The following ECT2L variants were observed in gnomAD, a reference collection of about 807,000 sequenced individuals.
ECT2L encodes the protein epithelial cell-transforming sequence 2 oncogene-like.
ECT2L carries 126 observed loss-of-function variants against 122.8 expected under a neutral mutation model. The observed-to-expected ratio is 1.03, with a 90% CI of 0.89 to 1.19. The LOEUF (loss-of-function observed/expected upper bound fraction) is 1.19. ECT2L is among the 50% of genes most tolerant of loss of function. The pLI, the probability that ECT2L is intolerant of heterozygous loss-of-function variation, is 0.00. For synonymous variants in ECT2L, 385 were observed against 381.8 expected (o/e 1.01, Z -0.10); for missense variants, 1,012 against 1,064.1 (o/e 0.95, Z 0.68).
Position 138,862,621 on chromosome 6 carries a change from A to G in ECT2L, c.1199-6A>G. The G allele has an allele frequency of 6.2e-7, 1 of 1,613,886 alleles. No homozygotes were observed. The highest frequency in any genetic ancestry group is 2.2e-5 in the East Asian group (1 of 44,880). ...GAAACTAACGAAAGTGTTTTTGACTATGCAGAGGCAGGAATTGAAGTTCTT... is the reference window on the plus strand; with the variant it reads ...GAAACTAACGAAAGTGTTTTTGACTGTGCAGAGGCAGGAATTGAAGTTCTT... On this transcript the variant is annotated splice_region_variant and splice_polypyrimidine_tract_variant and intron_variant, in intron 10 of 21. Coordinates refer to ENST00000541398, the MANE Select transcript of ECT2L (RefSeq NM_001077706.3).
intron 1 of ECT2L, among the ~76,000 whole-genome samples, chr6:138,803,800 T>C (rs1775622124): frequency 6.6e-6 from 1 of 152,250 alleles, no homozygotes; most frequent in Non-Finnish European, 1.5e-5. Context: ...AAATTGTTCC[T>C]AATATGATAC....
At chr6:138,806,049 G>C (rs890558541) in intron 1 of ECT2L, among the ~76,000 whole-genome samples, 2 of 152,180 alleles carry the variant, frequency 1.3e-5, no homozygotes, top group Non-Finnish European at 2.9e-5. Flanking sequence ...CACCACCAAA[G>C]GGTCTTCCAA....
chr6:138,850,472 T>C (rs1282273896), intron 9 of ECT2L, among the ~76,000 whole-genome samples: 1 of 152,182 alleles, frequency 6.6e-6, no homozygotes, highest in African/African-American at 2.4e-5. Flanking sequence ...CTTGGTATAA[T>C]GTCCTGAAAG....
At chr6:138,824,863 G>A (rs978776818) in intron 4 of ECT2L, among the ~76,000 whole-genome samples, 2 of 152,122 alleles carry the variant, frequency 1.3e-5, no homozygotes, top group African/African-American at 4.8e-5. Context: ...TCTAACCCAC[G>A]ATACTCGTTC....
intron 4 of ECT2L, among the ~76,000 whole-genome samples, chr6:138,822,229 G>C (rs575437033): frequency 2.7e-4 from 41 of 152,342 alleles, no homozygotes; most frequent in African/African-American, 9.6e-4. Flanking sequence ...ACAGAGCAGT[G>C]AACAAAACAG....
intron 4 of ECT2L, among the ~76,000 whole-genome samples, chr6:138,819,181 A>T (rs533764550): frequency 5.9e-5 from 9 of 151,896 alleles, no homozygotes; most frequent in African/African-American, 2.2e-4. Context: ...GGATAACTGT[A>T]TGAAATATTA....
At chr6:138,838,267 G>A (rs1776913131) in intron 4 of ECT2L, 85 bp from the exon 5 acceptor site, 1 of 1,194,470 alleles carries the variant, frequency 8.4e-7, no homozygotes, top group Non-Finnish European at 1.1e-6. Flanking sequence ...GAACATTGGA[G>A]GAAGATCAAT....
chr6:138,832,267 A>G (rs1776673702), intron 4 of ECT2L, among the ~76,000 whole-genome samples: 1 of 150,038 alleles, frequency 6.7e-6, no homozygotes, highest in African/African-American at 2.5e-5. Context: ...CAGCATGTTT[A>G]TGTTAAAATC....
At chr6:138,802,323 C>G (rs1775570613) in intron 1 of ECT2L, among the ~76,000 whole-genome samples, 1 of 152,220 alleles carries the variant, frequency 6.6e-6, no homozygotes, top group Non-Finnish European at 1.5e-5. Flanking sequence ...CCCAGCTAAG[C>G]TATGTCTACA....
intron 4 of ECT2L, among the ~76,000 whole-genome samples, chr6:138,825,712 C>T (rs575820036): frequency 6.6e-5 from 10 of 152,290 alleles, no homozygotes; most frequent in Middle Eastern, 3.4e-3. Context: ...TATATGGATC[C>T]GATTAGACCA....
chr6:138,877,141 G>A (rs184889263), intron 14 of ECT2L, among the ~76,000 whole-genome samples: 27 of 152,246 alleles, frequency 1.8e-4, no homozygotes, highest in Admixed American at 1.7e-3. Flanking sequence ...AAGAACTAGA[G>A]TTAAGAAAAG....
rs553187287 is a variant in ECT2L, at chr6:138,814,559, A to G, written c.135A>G (p.Glu45=). The part of the protein sequence containing the change: ...FDLWTNKQRQ[E]FLFAIFLRCT... ...TCTGGACTAACAAGCAACGTCAAGAATTCTTATTCGCAATTTTTTTAAGAT... is the reference window on the plus strand; with the variant it reads ...TCTGGACTAACAAGCAACGTCAAGAGTTCTTATTCGCAATTTTTTTAAGAT... The change falls in exon 4 of 22, where the codon GAA becomes GAG. Residue 45 remains glutamate (E), a synonymous_variant. Coordinates refer to ENST00000541398, the MANE Select transcript of ECT2L (RefSeq NM_001077706.3). 1.9e-6 allele frequency: 3 copies of G among 1,612,726 alleles called. No homozygotes were observed. Among genetic ancestry groups the G allele is most frequent in the Non-Finnish European group, 2.5e-6 (3 of 1,178,998 alleles).
At chr6:138,868,036 AGTT>A (rs1355784248) in intron 12 of ECT2L, 64 bp from the exon 13 acceptor site, 8 of 746,636 alleles carry the variant, frequency 1.1e-5, no homozygotes, top group Non-Finnish European at 1.7e-5. Flanking sequence ...GTGAGGACTG[AGTT>A]GTTGTTTTTA....
chr6:138,804,379 T>C (rs1423014238), intron 1 of ECT2L, among the ~76,000 whole-genome samples: 3 of 152,208 alleles, frequency 2.0e-5, no homozygotes, highest in African/African-American at 7.2e-5. Flanking sequence ...TGTCCCTGTA[T>C]ACCTGGGTCT....
Position 138,886,841 on chromosome 6 carries a change from A to T in ECT2L, c.2260-16A>T, listed in dbSNP as rs976930262. On this transcript the variant is annotated splice_polypyrimidine_tract_variant and intron_variant, in intron 18 of 21. Coordinates refer to ENST00000541398, the MANE Select transcript of ECT2L (RefSeq NM_001077706.3). The stretch of plus-strand genomic sequence containing the variant: ...TCACAATTTTAGTTTGCCTAAAAGT[A>T]CTTTTTTTCCCCTAGATGAAGCAAA... 12 of 1,605,586 alleles carry T rather than the reference A, an allele frequency of 7.5e-6. No individual in the cohort carries two copies. In the African/African-American group the frequency reaches 1.6e-4, roughly 21 times the overall value.
intron 9 of ECT2L, among the ~76,000 whole-genome samples, chr6:138,853,343 T>A (rs563784106): frequency 6.4e-4 from 98 of 152,302 alleles, no homozygotes; most frequent in Non-Finnish European, 1.2e-3. Flanking sequence ...ATAATTGTGT[T>A]TTCCCAAAAG....
intron 1 of ECT2L, among the ~76,000 whole-genome samples, chr6:138,807,410 A>G (rs543308783): frequency 6.6e-6 from 1 of 152,336 alleles, no homozygotes; most frequent in South Asian, 2.1e-4. Flanking sequence ...AGCCAGGTCT[A>G]TAGATTCATT....
chr6:138,872,122 G>T (rs183873513), intron 13 of ECT2L, among the ~76,000 whole-genome samples: 16 of 152,154 alleles, frequency 1.1e-4, no homozygotes, highest in African/African-American at 3.9e-4. Flanking sequence ...TTACAGGCCT[G>T]AGCCACCACG....
At chr6:138,851,482 C>CTTTTTTT (rs56921189) in intron 9 of ECT2L, among the ~76,000 whole-genome samples, 1 of 109,636 alleles carries the variant, frequency 9.1e-6, no homozygotes, top group Non-Finnish European at 1.8e-5. Flanking sequence ...TGTGCCTAGC[C>CTTTTTTT]TTTTTTTTTT....
Sources: gnomAD v4.1 joint callset for allele counts (sites outside exome capture counted in the v4.1 genomes callset) on GRCh38, gnomAD v4.1.1 for gene constraint, MANE v1.5 for transcripts, NCBI Gene and HGNC (gene_info 2026-07-23, HGNC 2026-07-21) for gene names.